The following SLC20A2 variants were observed in gnomAD, a reference collection of about 807,000 sequenced individuals.
SLC20A2 encodes sodium-dependent phosphate transporter 2.
A neutral mutation model predicts 61.0 loss-of-function variants in SLC20A2; 30 were observed. That is an observed-to-expected ratio of 0.49 (90% CI 0.37 to 0.67). The LOEUF is 0.67. Among genes scored for constraint, SLC20A2 ranks in the 30% least tolerant of loss-of-function variants. The pLI is 0.00. For synonymous variants in SLC20A2, 351 were observed against 353.3 expected (o/e 0.99, Z 0.07); for missense variants, 626 against 866.4 (o/e 0.72, Z 3.48).
chr8:42,524,038 C>T (rs1020777347), intron 1 of SLC20A2, among the ~76,000 whole-genome samples: 1 of 152,196 alleles, frequency 6.6e-6, no homozygotes, highest in African/African-American at 2.4e-5. Flanking sequence ...TTTCTTCCAA[C>T]TAAGACCCTC....
At chr8:42,541,659 C>T (rs973950918) in intron 1 of SLC20A2, 2 of 149,850 alleles carry the variant, frequency 1.3e-5, no homozygotes, top group African/African-American at 4.9e-5. Context: ...GTAAAGAGCC[C>T]CGGAGCGGAG....
intron 10 of SLC20A2, among the ~76,000 whole-genome samples, chr8:42,425,944 G>A (rs1194638537): frequency 6.6e-6 from 1 of 152,152 alleles, no homozygotes; most frequent in Non-Finnish European, 1.5e-5. Context: ...GCTGAGGCAG[G>A]AGAATGGCAT....
rs769623826 is a variant in SLC20A2 at position 42,437,354 on chromosome 8, G to GT, written c.1157dup (p.Tyr386Ter). 1 of 1,614,192 alleles carries GT rather than the reference G, an allele frequency of 6.2e-7. No individual in the cohort carries two copies. Among genetic ancestry groups the GT allele is most frequent in the Non-Finnish European group, 8.5e-7 (1 of 1,180,038 alleles). The change falls in exon 8 of 11, where the codon TAC becomes TAAC. Residue 386 changes from tyrosine to a stop codon, truncating the protein, a stop_gained and frameshift_variant. Transcript: ENST00000520262. LOFTEE classifies it high-confidence loss of function. The surrounding 1 kb of genome is among the most constrained non-coding windows in gnomAD (Gnocchi z 6.4). ...CACAAATGGCTGCGGTGTAGCAGGT[G>GT]TAACTGTTGTTTCGGCGCAGCAGCC... ...NYRLLRRNNS[Y>*]TCYTAAICGL...
chr8:42,419,559 A>C, intron 10 of SLC20A2: 1 of 225,264 alleles, frequency 4.4e-6, no homozygotes, highest in Non-Finnish European at 7.4e-6. Context: ...AAAAAAAAAT[A>C]AAATAAAAAA....
At chr8:42,479,691 A>C (rs1365881726) in intron 1 of SLC20A2, among the ~76,000 whole-genome samples, 2 of 152,142 alleles carry the variant, frequency 1.3e-5, no homozygotes, top group Non-Finnish European at 2.9e-5. Flanking sequence ...CTGGCATGGC[A>C]GTGTGCATCT....
intron 5 of SLC20A2, among the ~76,000 whole-genome samples, chr8:42,457,501 G>C (rs1346295154): frequency 6.7e-6 from 1 of 148,902 alleles, no homozygotes; most frequent in African/African-American, 2.5e-5. Context: ...TTTTTTTTGA[G>C]ACAAAGTCTC....
intron 10 of SLC20A2, among the ~76,000 whole-genome samples, chr8:42,422,305 A>T (rs1205711512): frequency 6.6e-6 from 1 of 152,112 alleles, no homozygotes; most frequent in Non-Finnish European, 1.5e-5. Context: ...TGCCCACCTC[A>T]GCCTCCCAAA....
chr8:42,427,960 C>T (rs778215951), intron 10 of SLC20A2, among the ~76,000 whole-genome samples: 4 of 152,154 alleles, frequency 2.6e-5, no homozygotes, highest in Non-Finnish European at 2.9e-5. Context: ...AAGTGACTTT[C>T]GCTTTGTTGA....
intron 1 of SLC20A2, among the ~76,000 whole-genome samples, chr8:42,474,157 C>T (rs528334643): frequency 2.6e-5 from 4 of 151,742 alleles, no homozygotes; most frequent in African/African-American, 4.8e-5. Flanking sequence ...GGCGACACAG[C>T]GAGACTCCAT....
chr8:42,451,678 T>G (rs1336194081), intron 5 of SLC20A2, among the ~76,000 whole-genome samples: 26 of 64,284 alleles, frequency 4.0e-4, no homozygotes, highest in Admixed American at 9.4e-4. Context: ...GAGGAAGAGA[T>G]GAAGAGGAGG....
In SLC20A2 at chr8:42,430,047, C is replaced by T. The variant is rs748722263; in HGVS notation, c.1709+17G>A. On this transcript the variant is annotated intron_variant, in intron 9 of 10. Coordinates refer to ENST00000520262, the MANE Select transcript of SLC20A2 (RefSeq NM_001257180.2). ...GATGACAAGACCTGCCCTGCTCGTCCACCAGCCCAGGCTTACCTGGACGGC... is the reference window on the plus strand; with the variant it reads ...GATGACAAGACCTGCCCTGCTCGTCTACCAGCCCAGGCTTACCTGGACGGC... 5.0e-6 allele frequency: 8 copies of T among 1,594,530 alleles called. No homozygotes were observed. Among genetic ancestry groups the T allele is most frequent in the Non-Finnish European group, 6.8e-6 (8 of 1,170,842 alleles).
At chr8:42,468,734 G>A (rs556362030) in intron 2 of SLC20A2, among the ~76,000 whole-genome samples, 1 of 152,088 alleles carries the variant, frequency 6.6e-6, no homozygotes, top group East Asian at 1.9e-4. Context: ...GCTCCAGGGA[G>A]GCTGCCGGGC....
At chr8:42,538,833 T>C (rs531680322) in intron 1 of SLC20A2, among the ~76,000 whole-genome samples, 125 of 152,226 alleles carry the variant, frequency 8.2e-4, no homozygotes, top group Non-Finnish European at 1.4e-3. Flanking sequence ...ATACAGAAAT[T>C]CCAAAATTTT....
intron 8 of SLC20A2, among the ~76,000 whole-genome samples, chr8:42,436,622 G>C (rs1245584272): frequency 6.6e-6 from 1 of 152,088 alleles, no homozygotes; most frequent in South Asian, 2.1e-4. Flanking sequence ...CCTGCAGACC[G>C]GCGACCTCCT....
rs573204927 is a variant in SLC20A2 at position 42,526,637 on chromosome 8, C to G, written c.-265+15184G>C. ...GCAGTGAGCCGAGATCGCGCCACTG[C>G]ACCCCAGCCTGGGCGACAGAGAGAG... On this transcript the variant is annotated intron_variant, in intron 1 of 10. Transcript: ENST00000342228. Among the ~76,000 whole-genome samples, 72 of 148,222 alleles carry G rather than the reference C, an allele frequency of 4.9e-4. 2 individuals are homozygous for G. The highest frequency in any genetic ancestry group is 1.5e-4 in the Non-Finnish European group (10 of 67,454).
At position 42,426,587 on chromosome 8, in the gene SLC20A2, C is replaced by T. The variant is rs561937385; in HGVS notation, c.1794+2171G>A. Among the ~76,000 whole-genome samples the T allele has an allele frequency of 4.6e-5, 7 of 152,056 alleles. No individual in the cohort carries two copies. In the South Asian group the frequency reaches 1.5e-3, roughly 32 times the overall value. ...GGTGCATGCCTGTAATCTCAGCTAC[C>T]CGGAGGCTGAGGCAGGAGAACTGCT... On this transcript the variant is annotated intron_variant, in intron 10 of 10. Transcript: ENST00000520262.
chr8:42,498,525 T>C (rs966477243), intron 1 of SLC20A2, among the ~76,000 whole-genome samples: 2 of 152,166 alleles, frequency 1.3e-5, no homozygotes, highest in African/African-American at 4.8e-5. Flanking sequence ...AGCATGTGGG[T>C]TGGAACTATG....
chr8:42,449,845 G>A (rs1047988018), intron 5 of SLC20A2, among the ~76,000 whole-genome samples: 3 of 152,202 alleles, frequency 2.0e-5, no homozygotes, highest in Non-Finnish European at 4.4e-5. Flanking sequence ...ACACCATGTC[G>A]AACATTTATT....
intron 2 of SLC20A2, chr8:42,471,322 G>C: frequency 2.3e-6 from 1 of 431,642 alleles, no homozygotes; most frequent in South Asian, 1.7e-5. Context: ...ATCTGTGTCC[G>C]CTTAGGCCAT....
Sources: gnomAD v4.1 joint callset for allele counts (sites outside exome capture counted in the v4.1 genomes callset) on GRCh38, gnomAD v4.1.1 for gene constraint, Gnocchi (gnomAD v3.1) non-coding constraint, MANE v1.5 for transcripts, NCBI Gene and HGNC (gene_info 2026-07-23, HGNC 2026-07-21) for gene names.